Variants in CDH13 observed in about 807,000 individuals in gnomAD.
CDH13 encodes the protein cadherin 13, also known as cadherin-13.
CDH13 carries 24 observed loss-of-function variants against 63.8 expected under a neutral mutation model. The observed-to-expected ratio is 0.38, with a 90% CI of 0.27 to 0.53. The LOEUF (loss-of-function observed/expected upper bound fraction) is 0.53, where lower values mean the gene tolerates loss of function less well. CDH13 is among the 20% of genes least tolerant of loss of function. The pLI is 0.85. For missense variants in CDH13, 1,049 were observed against 903.1 expected, an observed-to-expected ratio of 1.16 and a Z score of -2.07; for synonymous variants, 503 against 355.3, an observed-to-expected ratio of 1.42 and a Z score of -4.67.
chr16:82,915,988 A>G (rs1957108346), intron 2 of CDH13, among the ~76,000 whole-genome samples: 2 of 151,986 alleles, frequency 1.3e-5, no homozygotes, highest in Admixed American at 1.3e-4. Flanking sequence ...ATGTCTGAGC[A>G]GAGACTTTTG....
At chr16:83,107,207 T>C (rs72798347) in intron 3 of CDH13, among the ~76,000 whole-genome samples, 13,944 of 152,128 alleles carry the variant, frequency 0.092, 705 homozygotes, top group African/African-American at 0.13. Context: ...CTGCAGGGGG[T>C]TGGCCAGGCA....
intron 10 of CDH13, among the ~76,000 whole-genome samples, chr16:83,694,102 C>G (rs1010354551): frequency 6.6e-6 from 1 of 152,162 alleles, no homozygotes; most frequent in African/African-American, 2.4e-5. Context: ...TGACATTAGG[C>G]ATCACAGAAT....
At chr16:82,819,094 G>A (rs1482609752) in intron 1 of CDH13, among the ~76,000 whole-genome samples, 1 of 152,162 alleles carries the variant, frequency 6.6e-6, no homozygotes, top group Non-Finnish European at 1.5e-5. Context: ...AGTTTTATGA[G>A]AGAGAGAAAA....
intron 1 of CDH13, among the ~76,000 whole-genome samples, chr16:82,759,057 C>T (rs1347948911): frequency 2.0e-5 from 3 of 152,164 alleles, no homozygotes; most frequent in Non-Finnish European, 4.4e-5. Context: ...TATTAAGCAG[C>T]AAGCAAGTCA....
intron 6 of CDH13, among the ~76,000 whole-genome samples, chr16:83,364,546 A>G (rs1262226672): frequency 6.6e-6 from 1 of 152,214 alleles, no homozygotes; most frequent in African/African-American, 2.4e-5. Flanking sequence ...TATATAAAAT[A>G]GAGCTCAAGA....
intron 3 of CDH13, among the ~76,000 whole-genome samples, chr16:83,087,162 G>A (rs2033642935): frequency 1.3e-5 from 2 of 152,084 alleles, no homozygotes; most frequent in Admixed American, 1.3e-4. Flanking sequence ...AATAATTCCA[G>A]CAAAGTAAAA....
At chr16:82,830,611 A>G (rs1024714526) in intron 1 of CDH13, among the ~76,000 whole-genome samples, 1 of 152,188 alleles carries the variant, frequency 6.6e-6, no homozygotes, top group Non-Finnish European at 1.5e-5. Flanking sequence ...TCTTATTTGT[A>G]ATGACATTAA....
At chr16:83,707,836 C>CAAAAAAAAGAAAAAAAAAAAAAAAAAA (rs1907340994) in intron 10 of CDH13, among the ~76,000 whole-genome samples, 1 of 78,902 alleles carries the variant, frequency 1.3e-5, no homozygotes. Flanking sequence ...ACCCTAAAGG[C>CAAAAAAAAGAAAAAAAAAAAAAAAAAA]AAAAAAAAAA....
chr16:83,311,929 C>G (rs1352638252), intron 5 of CDH13, among the ~76,000 whole-genome samples: 1 of 151,978 alleles, frequency 6.6e-6, no homozygotes, highest in East Asian at 1.9e-4. Context: ...ACAAAATTAG[C>G]CAGGCGTGGT....
chr16:82,801,141 C>A (rs1190181831), intron 1 of CDH13, among the ~76,000 whole-genome samples: 1 of 152,132 alleles, frequency 6.6e-6, no homozygotes, highest in Non-Finnish European at 1.5e-5. Flanking sequence ...GTGTCCAAAT[C>A]CCACTTGGCT....
chr16:83,324,053 T>TC, intron 5 of CDH13, among the ~76,000 whole-genome samples: 1 of 151,800 alleles, frequency 6.6e-6, no homozygotes. Flanking sequence ...TTTTTTTTTT[T>TC]TTGAGGTGGA....
intron 7 of CDH13, among the ~76,000 whole-genome samples, chr16:83,569,371 T>C (rs569501787): frequency 8.5e-5 from 13 of 152,318 alleles, no homozygotes; most frequent in Non-Finnish European, 1.6e-4. Flanking sequence ...GCCAGTCTGC[T>C]CAGGGCTATC....
intron 5 of CDH13, among the ~76,000 whole-genome samples, chr16:83,339,262 C>T (rs2090669586): frequency 6.6e-6 from 1 of 152,108 alleles, no homozygotes; most frequent in African/African-American, 2.4e-5. Flanking sequence ...GAGAGAGGAG[C>T]CATCCTCTAG....
intron 7 of CDH13, among the ~76,000 whole-genome samples, chr16:83,531,891 A>C (rs1280520621): frequency 2.0e-5 from 3 of 152,152 alleles, no homozygotes; most frequent in Non-Finnish European, 2.9e-5. Flanking sequence ...TTGTTAGGGC[A>C]GTCACAAGAA....
At chr16:82,860,719 T>C (rs1167876324) in intron 2 of CDH13, among the ~76,000 whole-genome samples, 2 of 152,074 alleles carry the variant, frequency 1.3e-5, no homozygotes, top group Non-Finnish European at 2.9e-5. Context: ...ATTATGAGTA[T>C]AGAGCCTGCA....
rs1393323148 is a variant in CDH13 at position 82,704,978 on chromosome 16, T to C, written c.45+77841T>C. The C allele has an allele frequency of 1.4e-5, 5 of 357,822 alleles. No individual in the cohort carries two copies. The East Asian group carries it at 3.7e-4, about 27-fold the overall frequency. 22.2% of individuals were successfully genotyped at this position (357,822 alleles called of 1,614,324 possible). A position where few individuals can be genotyped will look rare whatever the true frequency, so the allele number is the denominator to read the frequency against. Reference sequence around the variant, plus strand: ...GGCAGACTTGGGAGACAATGTCTCTTGCTGCTGCCTCATGAGGAAGGTGAA... The same window carrying C: ...GGCAGACTTGGGAGACAATGTCTCTCGCTGCTGCCTCATGAGGAAGGTGAA... On this transcript the variant is annotated intron_variant, in intron 1 of 13. Coordinates refer to ENST00000567109, the MANE Select transcript of CDH13 (RefSeq NM_001257.5).
intron 3 of CDH13, among the ~76,000 whole-genome samples, chr16:83,094,945 C>A (rs1476675065): frequency 8.5e-5 from 13 of 152,132 alleles, no homozygotes; most frequent in Non-Finnish European, 4.4e-5. Flanking sequence ...TCATCATCAT[C>A]CTGTGTACAC....
At chr16:83,242,683 A>G (rs972755911) in intron 5 of CDH13, among the ~76,000 whole-genome samples, 3 of 152,208 alleles carry the variant, frequency 2.0e-5, no homozygotes, top group Non-Finnish European at 2.9e-5. Flanking sequence ...GACAATGGCA[A>G]TACTTGGGAA....
intron 2 of CDH13, among the ~76,000 whole-genome samples, chr16:82,966,071 T>C (rs1043505974): frequency 1.2e-4 from 19 of 152,334 alleles, no homozygotes; most frequent in African/African-American, 4.1e-4. Context: ...TGTGCAGCCC[T>C]GTGTAAAATT....
Sources: gnomAD v4.1 joint callset for allele counts (sites outside exome capture counted in the v4.1 genomes callset) on GRCh38, gnomAD v4.1.1 for gene constraint, MANE v1.5 for transcripts, NCBI Gene and HGNC (gene_info 2026-07-23, HGNC 2026-07-21) for gene names.